HELZ: variants seen among roughly 807,000 people sequenced by gnomAD.
HELZ encodes helicase with zinc finger.
HELZ carries 23 observed loss-of-function variants against 218.2 expected under a neutral mutation model. The ratio of observed to expected loss-of-function variants is 0.11; its 90% CI spans 0.08 to 0.15. The LOEUF is 0.15. HELZ is among the 10% of genes least tolerant of loss of function. The pLI is 1.00. For synonymous variants in HELZ, 814 were observed against 829.4 expected, an observed-to-expected ratio of 0.98 and a Z score of 0.32; for missense variants, 1,813 against 2,353.7, an observed-to-expected ratio of 0.77 and a Z score of 4.75.
At chr17:67,184,801 G>C (rs953877390) in intron 12 of HELZ, among the ~76,000 whole-genome samples, 3 of 150,380 alleles carry the variant, frequency 2.0e-5, no homozygotes, top group Non-Finnish European at 4.4e-5. Context: ...GGGCAACAGA[G>C]CAAGACTCTG....
chr17:67,237,267 A>G (rs1423080622), intron 3 of HELZ, among the ~76,000 whole-genome samples: 1 of 152,224 alleles, frequency 6.6e-6, no homozygotes, highest in Non-Finnish European at 1.5e-5. Flanking sequence ...CCTGGGCGAC[A>G]GAGTGAGACT....
intron 23 of HELZ, among the ~76,000 whole-genome samples, chr17:67,129,115 T>C (rs2037894964): frequency 6.6e-6 from 1 of 152,146 alleles, no homozygotes; most frequent in Admixed American, 6.6e-5. Flanking sequence ...GCAAGTAATA[T>C]GGTCAGTACT....
intron 17 of HELZ, among the ~76,000 whole-genome samples, chr17:67,153,891 GA>G (rs1215832301): frequency 1.3e-5 from 2 of 152,186 alleles, no homozygotes; most frequent in East Asian, 3.8e-4. Flanking sequence ...GGAACAAAAG[GA>G]TAATTTCTAC....
intron 23 of HELZ, among the ~76,000 whole-genome samples, chr17:67,132,715 A>AGG (rs1160858566): frequency 1.3e-5 from 2 of 152,220 alleles, no homozygotes; most frequent in African/African-American, 4.8e-5. Flanking sequence ...TTGGTGAGAG[A>AGG]GGGGGAGGAT....
At chr17:67,187,579 T>C (rs2039790174) in intron 12 of HELZ, among the ~76,000 whole-genome samples, 1 of 152,258 alleles carries the variant, frequency 6.6e-6, no homozygotes, top group Admixed American at 6.5e-5. Context: ...TTCACACAGC[T>C]CTGCTTTTTG....
chr17:67,108,671 G>A lies in HELZ; in HGVS notation c.4545C>T (p.Phe1515=), dbSNP rs766115191. 1 of 1,614,040 alleles carries A rather than the reference G, an allele frequency of 6.2e-7. No individual in the cohort carries two copies. Among genetic ancestry groups the A allele is most frequent in the Admixed American group, 1.7e-5 (1 of 60,004 alleles). Residue 1515 remains phenylalanine, a synonymous_variant, in exon 30 of 33, where the codon TTC becomes TTT. Coordinates refer to ENST00000358691, the MANE Select transcript of HELZ (RefSeq NM_014877.4). This position sits in a 1 kb window ranked among gnomAD's most constrained non-coding sequence, Gnocchi z 4.1. ...LETLRQQQAR[F]QQWSEHHAFL... ...AGGCATGATGCTCGCTCCACTGCTG[G>A]AACCGTGCCTGCTGCTGCCTTAATG...
At chr17:67,190,470 G>T in intron 9 of HELZ, 115 bp from the exon 10 acceptor site, 1 of 742,784 alleles carries the variant, frequency 1.3e-6, no homozygotes, top group Non-Finnish European at 2.3e-6. Context: ...TGTGCTGAAA[G>T]GCCATATTTA....
rs1458078690 is a variant in HELZ at position 67,218,792 on chromosome 17, T to C, written c.13A>G (p.Arg5Gly). 1.9e-6 allele frequency: 3 copies of C among 1,614,084 alleles called. No homozygotes were observed. The highest frequency in any genetic ancestry group is 2.5e-6 in the Non-Finnish European group (3 of 1,180,032). The change falls in exon 4 of 33, where the codon AGA becomes GGA. Residue 5 changes from arginine to glycine, a missense_variant. By Grantham distance (125) the Arg-to-Gly change is moderately radical. This residue lies in a region of HELZ where 714 missense variants were observed against 1,029.2 expected (regional missense o/e 0.69). Transcript: ENST00000358691. ...GCTTGTTCACATGACTTTTCAGCTCTTCTGTCTTCCATGACTCAGGGACAA... is the reference window on the plus strand; with the variant it reads ...GCTTGTTCACATGACTTTTCAGCTCCTCTGTCTTCCATGACTCAGGGACAA... MEDR[R>G]AEKSCEQACE... is the part of the protein sequence containing the mutation.
At chr17:67,170,565 ACCT>A (rs2039278144) in intron 13 of HELZ, among the ~76,000 whole-genome samples, 2 of 152,142 alleles carry the variant, frequency 1.3e-5, no homozygotes, top group South Asian at 4.2e-4. Flanking sequence ...GGGGGCTCAC[ACCT>A]GTAATCCCAG....
chr17:67,159,767 A>G (rs1260518645), intron 17 of HELZ, among the ~76,000 whole-genome samples: 1 of 152,172 alleles, frequency 6.6e-6, no homozygotes, highest in Non-Finnish European at 1.5e-5. Flanking sequence ...AAAAGTTGTT[A>G]AATACCAGTC....
chr17:67,109,795 C>A, intron 28 of HELZ, 109 bp from the exon 29 acceptor site: 1 of 743,638 alleles, frequency 1.3e-6, no homozygotes, highest in Non-Finnish European at 2.1e-6. Context: ...TTGATATCTT[C>A]CAGCAGGAGA....
chr17:67,150,122 TTTTC>T (rs781595192), intron 18 of HELZ, 137 bp from the exon 19 acceptor site: 16 of 497,048 alleles, frequency 3.2e-5, no homozygotes, highest in Admixed American at 7.0e-5. Context: ...TATTTATTTA[TTTTC>T]TTTCTTTTTT....
intron 32 of HELZ, among the ~76,000 whole-genome samples, chr17:67,081,524 T>C (rs1434444698): frequency 6.6e-6 from 1 of 152,214 alleles, no homozygotes; most frequent in African/African-American, 2.4e-5. Context: ...CATTTAGCAC[T>C]TGGTTTTATG....
At chr17:67,111,872 T>C (rs1452854505) in intron 28 of HELZ, among the ~76,000 whole-genome samples, 1 of 152,208 alleles carries the variant, frequency 6.6e-6, no homozygotes, top group Non-Finnish European at 1.5e-5. Flanking sequence ...TGGGATATAC[T>C]TTTTTCCAGA....
chr17:67,148,795 T>A (rs567031042), intron 19 of HELZ, 81 bp from the exon 20 acceptor site: 3 of 1,310,838 alleles, frequency 2.3e-6, no homozygotes, highest in Admixed American at 2.3e-5. Flanking sequence ...AAATCCACTA[T>A]GCTAAAACTT....
chr17:67,232,686 T>C (rs2041069400), intron 3 of HELZ, among the ~76,000 whole-genome samples: 1 of 152,234 alleles, frequency 6.6e-6, no homozygotes, highest in Non-Finnish European at 1.5e-5. Flanking sequence ...CAGATTACTT[T>C]TGCTTCACTA....
At chr17:67,174,227 T>G (rs987418466) in intron 13 of HELZ, among the ~76,000 whole-genome samples, 6 of 151,596 alleles carry the variant, frequency 4.0e-5, no homozygotes, top group South Asian at 2.1e-4. Context: ...GATAGATTAT[T>G]AAATCCAGTC....
chr17:67,195,869 T>TG (rs1491361512), intron 7 of HELZ, among the ~76,000 whole-genome samples: 21 of 134,814 alleles, frequency 1.6e-4, no homozygotes, highest in African/African-American at 2.4e-4. Context: ...TTTTTTTTTT[T>TG]GGGACAAAGT....
chr17:67,162,758 G>C (rs2039027650), intron 15 of HELZ, among the ~76,000 whole-genome samples: 2 of 147,092 alleles, frequency 1.4e-5, no homozygotes, highest in Admixed American at 1.3e-4. Flanking sequence ...TTTAACTAAA[G>C]AAAGGCCTTC....
Sources: allele counts gnomAD v4.1 joint callset (sites outside exome capture counted in the v4.1 genomes callset), GRCh38; gene constraint gnomAD v4.1.1; regional missense constraint gnomAD v4.1.1; non-coding constraint Gnocchi (gnomAD v3.1); transcripts MANE v1.5; gene names NCBI Gene and HGNC (gene_info 2026-07-23, HGNC 2026-07-21).